Variants in SAMD5 observed in about 807,000 individuals in gnomAD.
The protein encoded by SAMD5 is sterile alpha motif domain-containing protein 5.
SAMD5 carries 13 observed loss-of-function variants against 11.3 expected under a neutral mutation model. The ratio of observed to expected loss-of-function variants is 1.15; its 90% CI spans 0.75 to 1.83. The LOEUF is 1.83. Ranked by LOEUF, SAMD5 falls within the 40% of genes most tolerant of loss-of-function variation. SAMD5 has a pLI of 0.00. For synonymous variants in SAMD5, 129 were observed against 111.3 expected (o/e 1.16, Z -1.00); for missense variants, 255 against 239.1 (o/e 1.07, Z -0.44).
intron 1 of SAMD5, among the ~76,000 whole-genome samples, chr6:147,640,558 A>C (rs2128452318): frequency 1.3e-5 from 2 of 150,474 alleles, no homozygotes; most frequent in Non-Finnish European, 3.0e-5. Flanking sequence ...AAGTCTGCAA[A>C]ATCTAGTCAA....
chr6:147,832,257 A>C, the SAMD5 span, among the ~76,000 whole-genome samples: 1 of 152,178 alleles, frequency 6.6e-6, no homozygotes. Flanking sequence ...ATGCTACCCA[A>C]GTTATCTTTT....
intron 1 of SAMD5, among the ~76,000 whole-genome samples, chr6:147,659,328 T>C (rs13210656): frequency 0.089 from 13,522 of 152,184 alleles, 894 homozygotes; most frequent in East Asian, 0.26. Flanking sequence ...TGTCCCTGGT[T>C]CTGTGAATTT....
intron 1 of SAMD5, among the ~76,000 whole-genome samples, chr6:147,514,444 G>A (rs950476353): frequency 6.0e-5 from 9 of 150,678 alleles, no homozygotes; most frequent in Non-Finnish European, 1.0e-4. Flanking sequence ...ATCATGTAAT[G>A]TTTAGACATG....
chr6:147,668,854 A>G (rs1450197239), intron 1 of SAMD5, among the ~76,000 whole-genome samples: 2 of 152,224 alleles, frequency 1.3e-5, no homozygotes, highest in South Asian at 2.1e-4. Flanking sequence ...AAACAAAGTT[A>G]TATCTATACT....
chr6:147,824,778 ATTGT>A, the SAMD5 span, among the ~76,000 whole-genome samples: 4 of 152,168 alleles, frequency 2.6e-5, no homozygotes, highest in Admixed American at 2.0e-4. Context: ...GTAAACTAAG[ATTGT>A]TTGTTACTTA....
the SAMD5 span, among the ~76,000 whole-genome samples, chr6:147,876,436 C>T: frequency 6.6e-6 from 1 of 152,168 alleles, no homozygotes; most frequent in African/African-American, 2.4e-5. Flanking sequence ...TTACGGTCTT[C>T]AGGGATGGGG....
At chr6:147,748,427 G>A in the SAMD5 span, among the ~76,000 whole-genome samples, 2 of 152,222 alleles carry the variant, frequency 1.3e-5, no homozygotes, top group African/African-American at 4.8e-5. Flanking sequence ...ACCGCATATG[G>A]TGGTTGTAAT....
chr6:147,681,986 TA>T (rs1379090979), intron 1 of SAMD5, among the ~76,000 whole-genome samples: 3 of 152,214 alleles, frequency 2.0e-5, no homozygotes, highest in Admixed American at 6.5e-5. Context: ...ATACATGTAC[TA>T]ATCAGTACTT....
the SAMD5 span, among the ~76,000 whole-genome samples, chr6:147,770,783 A>G: frequency 6.6e-5 from 10 of 152,232 alleles, no homozygotes; most frequent in African/African-American, 2.4e-4. Flanking sequence ...CTTTTAAAAA[A>G]TAAATTCCAG....
the SAMD5 span, among the ~76,000 whole-genome samples, chr6:147,885,063 A>G: frequency 1.3e-5 from 2 of 152,226 alleles, no homozygotes; most frequent in Non-Finnish European, 2.9e-5. Flanking sequence ...TGCTGTGCCA[A>G]TTAATTTTAT....
chr6:147,678,278 CAA>C (rs1790893132), intron 1 of SAMD5, among the ~76,000 whole-genome samples: 1 of 93,430 alleles, frequency 1.1e-5, no homozygotes, highest in Non-Finnish European at 2.5e-5. Flanking sequence ...CAAAGAATAA[CAA>C]AATTTGTTAT....
intron 1 of SAMD5, among the ~76,000 whole-genome samples, chr6:147,695,570 C>T (rs17330102): frequency 0.048 from 7,248 of 152,214 alleles, 214 homozygotes; most frequent in Non-Finnish European, 0.067. Flanking sequence ...TTTCTTTCAA[C>T]TTGCATTATC....
intron 1 of SAMD5, among the ~76,000 whole-genome samples, chr6:147,559,233 G>C (rs995928004): frequency 6.6e-6 from 1 of 152,210 alleles, no homozygotes; most frequent in Non-Finnish European, 1.5e-5. Context: ...TGTGTAGGAA[G>C]TTGGCATTCT....
intron 1 of SAMD5, among the ~76,000 whole-genome samples, chr6:147,661,145 T>C (rs1367005904): frequency 6.6e-6 from 1 of 151,568 alleles, no homozygotes; most frequent in African/African-American, 2.4e-5. Context: ...AATCTACCAA[T>C]TTTTTTTTCT....
chr6:147,831,665 A>C, the SAMD5 span, among the ~76,000 whole-genome samples: 1 of 152,210 alleles, frequency 6.6e-6, no homozygotes, highest in Non-Finnish European at 1.5e-5. Flanking sequence ...TCAGGGGAAA[A>C]CTGGTGGATG....
the SAMD5 span, among the ~76,000 whole-genome samples, chr6:147,938,046 G>T: frequency 6.6e-6 from 1 of 152,164 alleles, no homozygotes. Flanking sequence ...AAACTTCTTT[G>T]TAATTCAAGA....
intron 1 of SAMD5, among the ~76,000 whole-genome samples, chr6:147,559,031 G>T (rs1051725185): frequency 3.9e-5 from 6 of 152,122 alleles, no homozygotes; most frequent in African/African-American, 1.4e-4. Context: ...GTTGTGATCA[G>T]CTGTTAATTA....
the SAMD5 span, among the ~76,000 whole-genome samples, chr6:147,940,354 A>G: frequency 2.0e-5 from 3 of 152,130 alleles, no homozygotes; most frequent in Non-Finnish European, 2.9e-5. Context: ...TCCATATTCT[A>G]CTAGTTAGAA....
intron 1 of SAMD5, among the ~76,000 whole-genome samples, chr6:147,588,312 GTTTT>G (rs34758455): frequency 9.7e-6 from 1 of 103,132 alleles, no homozygotes; most frequent in Non-Finnish European, 1.8e-5. Context: ...TACTTTGTTG[GTTTT>G]TTTTTTTTTT....
Sources: allele counts gnomAD v4.1 joint callset (sites outside exome capture counted in the v4.1 genomes callset), GRCh38; gene constraint gnomAD v4.1.1; transcripts MANE v1.5; gene names NCBI Gene and HGNC (gene_info 2026-07-23, HGNC 2026-07-21).